Variants in STK11 observed in about 807,000 individuals in gnomAD.
STK11 encodes serine/threonine-protein kinase STK11.
A neutral mutation model predicts 47.3 loss-of-function variants in STK11; 8 were observed. The ratio of observed to expected loss-of-function variants is 0.17; its 90% CI spans 0.10 to 0.31. The LOEUF (loss-of-function observed/expected upper bound fraction) is 0.31. Among genes scored for constraint, STK11 ranks in the 10% least tolerant of loss-of-function variants. The pLI is 1.00. For synonymous variants in STK11, 330 were observed against 255.8 expected (o/e 1.29, Z -2.77); for missense variants, 475 against 605.0 (o/e 0.79, Z 2.25).
chr19:1,210,185 A>C (rs550994759), intron 1 of STK11, among the ~76,000 whole-genome samples: 1 of 152,102 alleles, frequency 6.6e-6, no homozygotes, highest in Non-Finnish European at 1.5e-5. Context: ...GTGTGTTCTG[A>C]CTGGAGGCTG....
At chr19:1,225,795 C>G in intron 8 of STK11, 1 of 985,572 alleles carries the variant, frequency 1.0e-6, no homozygotes, top group Non-Finnish European at 1.2e-6. Context: ...CCAACCACCA[C>G]GGCTCCTCGC....
At chr19:1,218,561 G>A (rs567425906) in intron 2 of STK11, 61 bp downstream of exon 2, 135 of 1,443,066 alleles carry the variant, frequency 9.4e-5, no homozygotes, top group Non-Finnish European at 1.2e-4. Context: ...CCCTGGGTCC[G>A]CCTGCCTCGA....
intron 1 of STK11, among the ~76,000 whole-genome samples, chr19:1,211,949 CAGCCA>C (rs1434288682): frequency 2.6e-5 from 4 of 152,240 alleles, no homozygotes; most frequent in Non-Finnish European, 5.9e-5. Flanking sequence ...GCCCCTGCGC[CAGCCA>C]TGTGAGGCCT....
chr19:1,206,752 C>T lies in STK11; in HGVS notation c.-162C>T, dbSNP rs1017175898. 17 of 961,224 alleles carry T rather than the reference C, an allele frequency of 1.8e-5. No homozygotes were observed. The South Asian group carries it at 2.7e-4, about 15-fold the overall frequency. The allele number at this position is 961,224 out of a possible 1,614,324, so 59.5% of individuals were successfully genotyped here. A position where few individuals can be genotyped will look rare whatever the true frequency, so the allele number is the denominator to read the frequency against. On this transcript the variant is annotated 5_prime_UTR_variant, in exon 1 of 10. Transcript: ENST00000326873. ...GGACTGACGTGTAGAACAATCGTTTCTGTTGGAAGAAGGGTTTTTCCCTTC... is the reference window on the plus strand; with the variant it reads ...GGACTGACGTGTAGAACAATCGTTTTTGTTGGAAGAAGGGTTTTTCCCTTC...
At chr19:1,222,093 G>C (rs1296066812) in intron 7 of STK11, 87 bp downstream of exon 7, 2 of 1,454,460 alleles carry the variant, frequency 1.4e-6, no homozygotes, top group East Asian at 2.5e-5. Context: ...AGAGCAGGGC[G>C]TGGTGGGGGT....
rs2080663575 is a variant in STK11 at position 1,206,219 on chromosome 19, G to A, written c.-695G>A. On this transcript the variant is annotated 5_prime_UTR_variant, in exon 1 of 10. Coordinates refer to ENST00000326873, the MANE Select transcript of STK11 (RefSeq NM_000455.5). ...CCCAGTGCGGGCCCTCGCGGGCGCCGGGCAGCGACCAGCCCTGAGCGGAGC... is the reference window on the plus strand; with the variant it reads ...CCCAGTGCGGGCCCTCGCGGGCGCCAGGCAGCGACCAGCCCTGAGCGGAGC... 5.5e-6 allele frequency: 1 copy of A among 181,638 alleles called. No individual in the cohort carries two copies. The highest frequency in any genetic ancestry group is 2.4e-5 in the African/African-American group (1 of 42,382). The allele number at this position is 181,638 out of a possible 1,614,324, so 11.3% of individuals were successfully genotyped here.
At chr19:1,218,951 T>C (rs1599924985) in intron 2 of STK11, among the ~76,000 whole-genome samples, 1 of 152,020 alleles carries the variant, frequency 6.6e-6, no homozygotes, top group Non-Finnish European at 1.5e-5. Flanking sequence ...GAAGTGGTCC[T>C]GAGGCTGGGG....
intron 1 of STK11, among the ~76,000 whole-genome samples, chr19:1,211,760 C>G: frequency 6.6e-6 from 1 of 152,256 alleles, no homozygotes; most frequent in East Asian, 1.9e-4. Flanking sequence ...CCGCACCGCC[C>G]CCGCGGTGTC....
At position 1,228,265 on chromosome 19, in the gene STK11, G is replaced by A; in HGVS notation, c.*689G>A. The A allele has an allele frequency of 5.2e-6, 2 of 386,170 alleles. No individual in the cohort carries two copies. The highest frequency in any genetic ancestry group is 7.7e-6 in the Non-Finnish European group (2 of 258,532). 23.9% of individuals were successfully genotyped at this position (386,170 alleles called of 1,614,324 possible). A position where few individuals can be genotyped will look rare whatever the true frequency, so the allele number is the denominator to read the frequency against. ...GCCACTGCGCTCTTGGGACCCCAGA[G>A]AAAACCCGGAGCAAGCAGGAGTGTG... On this transcript the variant is annotated 3_prime_UTR_variant, in exon 10 of 10. Transcript: ENST00000326873.
At chr19:1,207,269 C>T (rs2145406300) in intron 1 of STK11, 66 bp downstream of exon 1, 1 of 1,519,430 alleles carries the variant, frequency 6.6e-7, no homozygotes, top group African/African-American at 1.4e-5. Flanking sequence ...TTCTGTCTTC[C>T]TTCCTTCTCT....
intron 1 of STK11, among the ~76,000 whole-genome samples, chr19:1,213,946 C>T (rs1229782590): frequency 6.6e-6 from 1 of 152,244 alleles, no homozygotes; most frequent in Non-Finnish European, 1.5e-5. Flanking sequence ...GGCTCCTAGC[C>T]CCACCTCTCT....
intron 1 of STK11, among the ~76,000 whole-genome samples, chr19:1,217,005 C>G (rs557946969): frequency 6.6e-6 from 1 of 151,926 alleles, no homozygotes; most frequent in South Asian, 2.1e-4. Context: ...GGAAGGGCCC[C>G]TGGGTGGTTC....
chr19:1,214,277 C>T (rs2080730887), intron 1 of STK11, among the ~76,000 whole-genome samples: 1 of 152,234 alleles, frequency 6.6e-6, no homozygotes, highest in East Asian at 1.9e-4. Context: ...TGGCTCCACC[C>T]CCACTCCTCC....
At chr19:1,213,929 A>C (rs928171460) in intron 1 of STK11, among the ~76,000 whole-genome samples, 1 of 152,242 alleles carries the variant, frequency 6.6e-6, no homozygotes, top group African/African-American at 2.4e-5. Flanking sequence ...GTTTCTAGGC[A>C]GACGGAGGCT....
intron 6 of STK11, chr19:1,221,600 C>T (rs1271192437): frequency 1.0e-5 from 6 of 601,402 alleles, no homozygotes; most frequent in South Asian, 6.7e-5. Context: ...GCCCCACCCT[C>T]GGGGGCTCCC....
At chr19:1,225,734 G>A (rs375311828) in intron 8 of STK11, 9 of 985,520 alleles carry the variant, frequency 9.1e-6, no homozygotes, top group South Asian at 9.4e-5. Context: ...GACTTCGCCC[G>A]GGAGGGGCCT....
At chr19:1,221,637 C>G in intron 6 of STK11, 1 of 586,902 alleles carries the variant, frequency 1.7e-6, no homozygotes, top group East Asian at 2.8e-5. Context: ...TCAGGGTTGT[C>G]CTGCTGCACT....
rs2080698397 is a variant in STK11 at position 1,209,986 on chromosome 19, T to A, written c.290+2783T>A. On this transcript the variant is annotated intron_variant, in intron 1 of 9. Transcript: ENST00000326873. ...CCCTCACTAGTGTTCAGCGTCCAAT[T>A]TCATCCTGGCCCTGAGTGTGTAACG... Among the ~76,000 whole-genome samples, 3 of 152,138 alleles carry A rather than the reference T, an allele frequency of 2.0e-5. No individual in the cohort carries two copies. In the South Asian group the frequency reaches 6.2e-4, roughly 32 times the overall value.
At chr19:1,219,551 T>A in intron 3 of STK11, 138 bp downstream of exon 3, 1 of 938,228 alleles carries the variant, frequency 1.1e-6, no homozygotes, top group Non-Finnish European at 1.5e-6. Context: ...TTTGTTTTTT[T>A]GTGTTTTTTT....
Sources: allele counts gnomAD v4.1 joint callset (sites outside exome capture counted in the v4.1 genomes callset), GRCh38; gene constraint gnomAD v4.1.1; transcripts MANE v1.5; gene names NCBI Gene and HGNC (gene_info 2026-07-23, HGNC 2026-07-21).